TMEM132B: variants seen among roughly 807,000 people sequenced by gnomAD.
TMEM132B encodes the protein transmembrane protein 132B.
TMEM132B carries 18 observed loss-of-function variants against 90.8 expected under a neutral mutation model. The observed-to-expected ratio is 0.20, with a 90% confidence interval of 0.14 to 0.29. The LOEUF is 0.29. Ranked by LOEUF, TMEM132B falls within the 10% of genes least tolerant of loss-of-function variation. The probability of loss-of-function intolerance (pLI) is 1.00; values close to 1 mark genes in which losing one functional copy is unlikely to be tolerated. For missense variants in TMEM132B, 1,096 were observed against 1,326.8 expected (o/e 0.83, Z 2.70); for synonymous variants, 504 against 523.3 (o/e 0.96, Z 0.50).
Position 125,445,472 on chromosome 12 carries a change from C to T in TMEM132B, c.1106+29795C>T, listed in dbSNP as rs138286744. On this transcript the variant is annotated intron_variant, in intron 3 of 8. Coordinates refer to ENST00000682704, the MANE Select transcript of TMEM132B (RefSeq NM_001366854.1). The surrounding 1 kb of genome is among the most constrained non-coding windows in gnomAD (Gnocchi z 4.3). ...AAGCCTTTCTTCTCTGCAGTGAGTA[C>T]GGTATTTAAGCTTTGTCAGCAGAGG... is the stretch of plus-strand genomic sequence containing the variant. Among the ~76,000 whole-genome samples the T allele has an allele frequency of 6.2e-4, 95 of 152,300 alleles. No homozygotes were observed. The highest frequency in any genetic ancestry group is 1.5e-3 in the African/African-American group (62 of 41,560).
intron 3 of TMEM132B, among the ~76,000 whole-genome samples, chr12:125,488,571 G>T (rs1016893490): frequency 6.6e-6 from 1 of 152,132 alleles, no homozygotes; most frequent in East Asian, 1.9e-4. Flanking sequence ...CTCTCTCTTT[G>T]CCTGCTGCCA....
chr12:125,587,985 A>T (rs187928403), intron 5 of TMEM132B: 2 of 152,360 alleles, frequency 1.3e-5, no homozygotes, highest in East Asian at 3.9e-4. Context: ...AGAGGGAGAC[A>T]TGACAGCTTT....
chr12:125,651,195 T>C (rs530030252), intron 7 of TMEM132B, among the ~76,000 whole-genome samples: 5 of 152,334 alleles, frequency 3.3e-5, no homozygotes, highest in African/African-American at 7.2e-5. Flanking sequence ...TAGAAAAATA[T>C]CTAATCCCTT....
intron 3 of TMEM132B, among the ~76,000 whole-genome samples, chr12:125,430,961 G>C (rs1269023310): frequency 6.6e-6 from 1 of 152,108 alleles, no homozygotes; most frequent in East Asian, 1.9e-4. Flanking sequence ...TGTGGGAGGA[G>C]AGCATCTCCC....
intron 5 of TMEM132B, among the ~76,000 whole-genome samples, chr12:125,637,874 A>C (rs1388679901): frequency 6.6e-6 from 1 of 152,252 alleles, no homozygotes; most frequent in Admixed American, 6.5e-5. Context: ...CCATGGACTG[A>C]AAAGACGCAT....
intron 3 of TMEM132B, among the ~76,000 whole-genome samples, chr12:125,419,504 A>G (rs1247882639): frequency 2.6e-5 from 4 of 152,216 alleles, no homozygotes; most frequent in African/African-American, 4.8e-5. Context: ...TCACAAGAAT[A>G]GCATGAGAAA....
intron 5 of TMEM132B, among the ~76,000 whole-genome samples, chr12:125,605,020 A>G (rs1323099610): frequency 6.6e-6 from 1 of 152,172 alleles, no homozygotes; most frequent in Admixed American, 6.5e-5. Flanking sequence ...TAAAGAGTGG[A>G]AGTTTGGACT....
At chr12:125,359,457 C>CA (rs1877891719) in intron 2 of TMEM132B, among the ~76,000 whole-genome samples, 1 of 151,608 alleles carries the variant, frequency 6.6e-6, no homozygotes, top group African/African-American at 2.4e-5. Context: ...AAGACAATGT[C>CA]AAAAAAACCC....
chr12:125,436,731 A>G (rs1880716233), intron 3 of TMEM132B, among the ~76,000 whole-genome samples: 1 of 152,136 alleles, frequency 6.6e-6, no homozygotes, highest in African/African-American at 2.4e-5. Context: ...GGTTAAAGCC[A>G]CTCAATTGGT....
chr12:125,397,233 A>C (rs1430675471), intron 2 of TMEM132B, among the ~76,000 whole-genome samples: 1 of 152,128 alleles, frequency 6.6e-6, no homozygotes, highest in African/African-American at 2.4e-5. Flanking sequence ...AGCCTCCAGA[A>C]GTGCTGGGAT....
chr12:125,356,093 C>T (rs147954118), intron 2 of TMEM132B, among the ~76,000 whole-genome samples: 3 of 152,180 alleles, frequency 2.0e-5, no homozygotes, highest in African/African-American at 7.2e-5. Flanking sequence ...AAATTCTGCC[C>T]CCTCCAAATA....
intron 4 of TMEM132B, among the ~76,000 whole-genome samples, chr12:125,558,484 C>T (rs1244039204): frequency 6.6e-6 from 1 of 152,178 alleles, no homozygotes; most frequent in African/African-American, 2.4e-5. Context: ...AGTCTGAATT[C>T]ATGGTATAGG....
At chr12:125,215,400 A>C (rs190352182) in intron 1 of TMEM132B, among the ~76,000 whole-genome samples, 6 of 152,218 alleles carry the variant, frequency 3.9e-5, no homozygotes, top group South Asian at 2.1e-4. Flanking sequence ...TCTTGCTTTT[A>C]CTACCTTCTA....
chr12:125,252,032 C>T (rs114868891), intron 1 of TMEM132B, among the ~76,000 whole-genome samples: 1,839 of 152,270 alleles, frequency 0.012, 46 homozygotes, highest in African/African-American at 0.041. Flanking sequence ...GTATGTGAAG[C>T]CTTCTTACAA....
chr12:125,580,763 A>C (rs778967064), intron 4 of TMEM132B, among the ~76,000 whole-genome samples: 5 of 152,192 alleles, frequency 3.3e-5, no homozygotes, highest in Admixed American at 2.0e-4. Flanking sequence ...TGCCATTTTC[A>C]CTGACATCAC....
At chr12:125,549,517 G>C (rs1342373119) in intron 4 of TMEM132B, among the ~76,000 whole-genome samples, 2 of 152,204 alleles carry the variant, frequency 1.3e-5, no homozygotes, top group Non-Finnish European at 2.9e-5. Flanking sequence ...TCTGCTCACT[G>C]GGAACACAGC....
intron 3 of TMEM132B, among the ~76,000 whole-genome samples, chr12:125,417,685 T>G (rs1289022922): frequency 6.6e-6 from 1 of 152,150 alleles, no homozygotes; most frequent in African/African-American, 2.4e-5. Context: ...GCAACCTGTC[T>G]CCCTGGTTTA....
At chr12:125,384,722 C>T (rs1173658655) in intron 2 of TMEM132B, among the ~76,000 whole-genome samples, 3 of 152,158 alleles carry the variant, frequency 2.0e-5, no homozygotes, top group African/African-American at 7.2e-5. Flanking sequence ...ATGATCTCGG[C>T]TCACTGCAAC....
At chr12:125,570,635 C>T (rs1036821079) in intron 4 of TMEM132B, among the ~76,000 whole-genome samples, 15 of 152,118 alleles carry the variant, frequency 9.9e-5, no homozygotes, top group Admixed American at 4.6e-4. Flanking sequence ...ATAAATGATC[C>T]GAGTCTAAAA....
Sources: gnomAD v4.1 joint callset for allele counts (sites outside exome capture counted in the v4.1 genomes callset) on GRCh38, gnomAD v4.1.1 for gene constraint, Gnocchi (gnomAD v3.1) non-coding constraint, MANE v1.5 for transcripts, NCBI Gene and HGNC (gene_info 2026-07-23, HGNC 2026-07-21) for gene names.